PHF24: variants seen among roughly 807,000 people sequenced by gnomAD.
PHF24 encodes the protein PHD finger protein 24, also known as Galpha inhibitory interacting protein.
In PHF24, 25 loss-of-function variants were observed where a neutral mutation model predicts 42.6. The ratio of observed to expected loss-of-function variants is 0.59; its 90% CI spans 0.43 to 0.82. The LOEUF (loss-of-function observed/expected upper bound fraction) is 0.82. Among genes scored for constraint, PHF24 ranks in the 40% least tolerant of loss-of-function variants. The pLI is 0.00. For synonymous variants in PHF24, 185 were observed against 204.8 expected, an observed-to-expected ratio of 0.90 and a Z score of 0.83; for missense variants, 470 against 538.1, an observed-to-expected ratio of 0.87 and a Z score of 1.25.
At chr9:34,718,373 T>C in the PHF24 span, among the ~76,000 whole-genome samples, 9 of 152,312 alleles carry the variant, frequency 5.9e-5, no homozygotes, top group African/African-American at 1.9e-4. Context: ...GCCTCACTGT[T>C]TCTGGGCCTG....
chr9:34,689,052 G>T, the PHF24 span, among the ~76,000 whole-genome samples: 1 of 152,196 alleles, frequency 6.6e-6, no homozygotes, highest in African/African-American at 2.4e-5. The surrounding 1 kb of genome is among the most constrained non-coding windows in gnomAD (Gnocchi z 4.1). Flanking sequence ...AGCCAGGTGG[G>T]CAGAGGAGAG....
At chr9:34,914,952 AT>A in the PHF24 span, among the ~76,000 whole-genome samples, 14,906 of 118,300 alleles carry the variant, frequency 0.13, 1,123 homozygotes, top group African/African-American at 0.24. Flanking sequence ...TGCCTGGCTA[AT>A]TTTTTTTTTT....
chr9:34,944,633 GT>G, the PHF24 span, among the ~76,000 whole-genome samples: 147 of 152,340 alleles, frequency 9.6e-4, no homozygotes, highest in African/African-American at 3.4e-3. Context: ...CCAGATGTCT[GT>G]ATGCCATATG....
At chr9:34,743,009 G>A in the PHF24 span, among the ~76,000 whole-genome samples, 166 of 152,308 alleles carry the variant, frequency 1.1e-3, no homozygotes, top group African/African-American at 3.8e-3. Flanking sequence ...ATGCCTGCCA[G>A]TCTAAAATAT....
the PHF24 span, among the ~76,000 whole-genome samples, chr9:34,865,371 C>T: frequency 2.0e-5 from 3 of 151,790 alleles, no homozygotes; most frequent in African/African-American, 7.2e-5. Flanking sequence ...TGAGACTACC[C>T]TGGCCAACAT....
the PHF24 span, chr9:34,922,809 T>A: frequency 6.3e-7 from 1 of 1,592,736 alleles, no homozygotes; most frequent in Non-Finnish European, 8.5e-7. Flanking sequence ...CCTCTCCTCA[T>A]TGGATAATTA....
At chr9:34,676,896 C>T in the PHF24 span, among the ~76,000 whole-genome samples, 1 of 152,140 alleles carries the variant, frequency 6.6e-6, no homozygotes, top group African/African-American at 2.4e-5. Context: ...GAGGACAGCC[C>T]CAAGGGGGTG....
chr9:34,921,701 T>C, the PHF24 span, among the ~76,000 whole-genome samples: 19 of 152,340 alleles, frequency 1.2e-4, no homozygotes, highest in Admixed American at 1.2e-3. Context: ...TCCACAGATA[T>C]ACATGGTTTA....
the PHF24 span, among the ~76,000 whole-genome samples, chr9:34,846,388 A>G: frequency 6.6e-6 from 1 of 151,666 alleles, no homozygotes; most frequent in East Asian, 1.9e-4. Context: ...TTGGCTGCAT[A>G]AATGTCTTCT....
At chr9:34,778,993 A>G in the PHF24 span, among the ~76,000 whole-genome samples, 476 of 152,346 alleles carry the variant, frequency 3.1e-3, 4 homozygotes, top group African/African-American at 0.011. Context: ...TGTAGATTAA[A>G]CAACATACTG....
the PHF24 span, among the ~76,000 whole-genome samples, chr9:34,738,420 G>A: frequency 6.6e-6 from 1 of 151,956 alleles, no homozygotes; most frequent in East Asian, 1.9e-4. Context: ...GTGCAATCTC[G>A]GCTCACTGCA....
chr9:34,797,534 C>T, the PHF24 span, among the ~76,000 whole-genome samples: 1 of 152,112 alleles, frequency 6.6e-6, no homozygotes, highest in South Asian at 2.1e-4. Context: ...AGACTCTCCT[C>T]CGACTGCCCA....
At chr9:34,729,180 G>A in the PHF24 span, 1 of 1,332,072 alleles carries the variant, frequency 7.5e-7, no homozygotes. Flanking sequence ...GTAACTGAAA[G>A]TATGCTATAA....
chr9:34,835,701 A>G, the PHF24 span: 7 of 1,551,108 alleles, frequency 4.5e-6, no homozygotes, highest in East Asian at 1.5e-4. Flanking sequence ...GCTGGAGGTG[A>G]TCAGCCCAGT....
the PHF24 span, chr9:34,838,362 C>A: frequency 1.2e-6 from 1 of 862,192 alleles, no homozygotes; most frequent in Middle Eastern, 2.2e-4. Flanking sequence ...AGCAGCAGCT[C>A]CTTTCAACTT....
At chr9:34,750,999 A>G in the PHF24 span, among the ~76,000 whole-genome samples, 1 of 152,170 alleles carries the variant, frequency 6.6e-6, no homozygotes, top group Non-Finnish European at 1.5e-5. Context: ...AACACACTTC[A>G]CCTATAAAGA....
chr9:34,849,309 G>A, the PHF24 span, among the ~76,000 whole-genome samples: 16 of 152,092 alleles, frequency 1.1e-4, no homozygotes, highest in African/African-American at 3.6e-4. Context: ...TATATATTTA[G>A]GATAGTTAGC....
At chr9:34,978,171 C>T (rs1246001537) in exon 8 of PHF24, 4 of 1,289,762 alleles carry the variant, frequency 3.1e-6, no homozygotes, top group African/African-American at 1.5e-5. Context: ...TTCCTTTCTC[C>T]CTTCCCCCAC....
chr9:34,798,471 T>C, the PHF24 span, among the ~76,000 whole-genome samples: 1 of 152,218 alleles, frequency 6.6e-6, no homozygotes, highest in African/African-American at 2.4e-5. Flanking sequence ...TATTATTTGG[T>C]TTTCTGTTTC....
Sources: allele counts gnomAD v4.1 joint callset (sites outside exome capture counted in the v4.1 genomes callset), GRCh38; gene constraint gnomAD v4.1.1; non-coding constraint Gnocchi (gnomAD v3.1); transcripts MANE v1.5; gene names NCBI Gene and HGNC (gene_info 2026-07-23, HGNC 2026-07-21).